The following DHX34 variants were observed in gnomAD, a reference collection of about 807,000 sequenced individuals.
DHX34 encodes probable ATP-dependent RNA helicase DHX34.
DHX34 carries 96 observed loss-of-function variants against 111.1 expected under a neutral mutation model. The observed-to-expected ratio is 0.86, with a 90% CI of 0.73 to 1.02. The LOEUF (loss-of-function observed/expected upper bound fraction) is 1.02, where lower values mean the gene tolerates loss of function less well. Among genes scored for constraint, DHX34 ranks in the 50% least tolerant of loss-of-function variants. The probability of loss-of-function intolerance (pLI) is 0.00; values close to 1 mark genes in which losing one functional copy is unlikely to be tolerated. For missense variants in DHX34, 1,560 were observed against 1,579.9 expected, an observed-to-expected ratio of 0.99 and a Z score of 0.21; for synonymous variants, 688 against 670.4, an observed-to-expected ratio of 1.03 and a Z score of -0.41.
At chr19:47,354,161 C>T (rs1230634692) in intron 2 of DHX34, among the ~76,000 whole-genome samples, 1 of 152,166 alleles carries the variant, frequency 6.6e-6, no homozygotes, top group Non-Finnish European at 1.5e-5. Context: ...CGGGGTTTCA[C>T]CATGTTGGTC....
intron 9 of DHX34, among the ~76,000 whole-genome samples, chr19:47,374,880 G>A (rs1312463233): frequency 2.0e-5 from 3 of 152,182 alleles, no homozygotes; most frequent in Non-Finnish European, 4.4e-5. Context: ...GTCCTCCATC[G>A]GTCAGGGCTC....
Position 47,375,916 on chromosome 19 carries a change from C to A in DHX34, c.2308-8C>A. 6.3e-7 allele frequency: 1 copy of A among 1,597,680 alleles called. No homozygotes were observed. The highest frequency in any genetic ancestry group is 8.5e-7 in the Non-Finnish European group (1 of 1,175,644). ...CCCTAAGACTCTGCCTCCCCGTGCT[C>A]CCCCCAGGATGTGAAGTTCAAGCTT... On this transcript the variant is annotated splice_region_variant and splice_polypyrimidine_tract_variant and intron_variant, in intron 10 of 16. Coordinates refer to ENST00000328771, the MANE Select transcript of DHX34 (RefSeq NM_014681.6).
At chr19:47,358,456 G>GTT (rs34363653) in intron 4 of DHX34, among the ~76,000 whole-genome samples, 3,001 of 143,334 alleles carry the variant, frequency 0.021, 46 homozygotes, top group Middle Eastern at 0.041. Flanking sequence ...TTCCAAAACA[G>GTT]TTTTTTTTTT....
At chr19:47,380,531 G>A (rs1970319233) in intron 14 of DHX34, among the ~76,000 whole-genome samples, 1 of 151,854 alleles carries the variant, frequency 6.6e-6, no homozygotes, top group African/African-American at 2.4e-5. Context: ...GGAGGGGGGA[G>A]GTGGCCAGAC....
chr19:47,375,464 A>C lies in DHX34; in HGVS notation c.2065-2A>C. 1 of 1,582,336 alleles carries C rather than the reference A, an allele frequency of 6.3e-7. No homozygotes were observed. The highest frequency in any genetic ancestry group is 8.5e-7 in the Non-Finnish European group (1 of 1,171,636). On this transcript the variant is annotated splice_acceptor_variant, in intron 9 of 16. Coordinates refer to ENST00000328771, the MANE Select transcript of DHX34 (RefSeq NM_014681.6). LOFTEE classifies it high-confidence loss of function. Reference sequence around the variant, plus strand: ...CCCTCACCCCTACCCACCTGCCCCTAGGAGCTGTTGGAGGACCACGGGCTG... The same window carrying C: ...CCCTCACCCCTACCCACCTGCCCCTCGGAGCTGTTGGAGGACCACGGGCTG...
At position 47,353,177 on chromosome 19, in the gene DHX34, C is replaced by T. The variant is rs749958339; in HGVS notation, c.147C>T (p.Tyr49=). The change falls in exon 2 of 17, where the codon TAC becomes TAT. Residue 49 remains tyrosine (Y), a synonymous_variant. Transcript: ENST00000328771. The surrounding 1 kb of genome is among the most constrained non-coding windows in gnomAD (Gnocchi z 4.6). ...ATGCCTTCTTCCGTGAAGAGGATTA[C>T]ATCCGTCAGGGTTCTGAGGAATGTC... The part of the protein sequence containing the change: ...LEDAFFREED[Y]IRQGSEECQK... 6 of 1,614,098 alleles carry T rather than the reference C, an allele frequency of 3.7e-6. No homozygotes were observed. Among genetic ancestry groups the T allele is most frequent in the Admixed American group, 1.7e-5 (1 of 59,996 alleles).
In DHX34 at chr19:47,353,181, C is replaced by T. The variant is rs371888274; in HGVS notation, c.151C>T (p.Arg51Cys). ...DAFFREEDYIRQGSEECQKFW... is the reference protein window; with the variant it reads ...DAFFREEDYICQGSEECQKFW... ...CTTCTTCCGTGAAGAGGATTACATCCGTCAGGGTTCTGAGGAATGTCAGAA... is the reference window on the plus strand; with the variant it reads ...CTTCTTCCGTGAAGAGGATTACATCTGTCAGGGTTCTGAGGAATGTCAGAA... Residue 51 changes from arginine to cysteine, a missense_variant, in exon 2 of 17, where the codon CGT (arginine) becomes TGT (cysteine). Physicochemically the swap from Arg to Cys is radical, Grantham distance 180 (BLOSUM62 -3). Coordinates refer to ENST00000328771, the MANE Select transcript of DHX34 (RefSeq NM_014681.6). This position sits in a 1 kb window ranked among gnomAD's most constrained non-coding sequence, Gnocchi z 4.6. 53 of 1,614,058 alleles carry T rather than the reference C, an allele frequency of 3.3e-5. No individual in the cohort carries two copies. The African/African-American group carries it at 3.7e-4, about 11-fold the overall frequency.
In DHX34 at chr19:47,381,171, G is replaced by C; in HGVS notation, c.3160-15G>C. On this transcript the variant is annotated splice_polypyrimidine_tract_variant and intron_variant, in intron 15 of 16. Transcript: ENST00000328771. ...ACTTGGCGGGGGCCCAGCCCTGACAGCTGGCCTGCCACAGAATGACACAGA... is the reference window on the plus strand; with the variant it reads ...ACTTGGCGGGGGCCCAGCCCTGACACCTGGCCTGCCACAGAATGACACAGA... The C allele has an allele frequency of 6.2e-7, 1 of 1,612,326 alleles. No individual in the cohort carries two copies. Among genetic ancestry groups the C allele is most frequent in the Non-Finnish European group, 8.5e-7 (1 of 1,178,746 alleles).
intron 13 of DHX34, among the ~76,000 whole-genome samples, chr19:47,377,431 C>T (rs1429235055): frequency 6.6e-6 from 1 of 152,194 alleles, no homozygotes; most frequent in Non-Finnish European, 1.5e-5. Context: ...GTGCCAGGTG[C>T]CAAGGGCGCA....
At chr19:47,378,361 A>G (rs912649703) in intron 13 of DHX34, among the ~76,000 whole-genome samples, 1 of 152,118 alleles carries the variant, frequency 6.6e-6, no homozygotes, top group Admixed American at 6.5e-5. Context: ...CCCCACCCTC[A>G]TGGGGCTCAG....
chr19:47,375,681 AGGGGCCAGTGATGGC>A lies in DHX34; in HGVS notation c.2282_2296del (p.Gly761_Gly765del), dbSNP rs1444998976. On this transcript the variant is annotated inframe_deletion, in exon 10 of 17. Transcript: ENST00000328771. ...AGGACAGGGCTGGCCCAGCCCCCCC[AGGGGCCAGTGATGGC>A]GTGGACATCCAGGTGGGCGCCATGG... is the stretch of plus-strand genomic sequence containing the variant. The A allele has an allele frequency of 6.4e-7, 1 of 1,557,350 alleles. No individual in the cohort carries two copies. Among genetic ancestry groups the A allele is most frequent in the African/African-American group, 1.4e-5 (1 of 73,486 alleles).
chr19:47,355,012 C>A (rs766816744), intron 2 of DHX34, 27 bp from the exon 3 acceptor site: 11 of 1,610,310 alleles, frequency 6.8e-6, no homozygotes, highest in Admixed American at 3.3e-5. Context: ...AGGGTCCTCT[C>A]CTGATCCTTT....
intron 16 of DHX34, chr19:47,381,690 G>T (rs1310341331): frequency 8.7e-6 from 6 of 687,070 alleles, no homozygotes; most frequent in Non-Finnish European, 1.4e-5. Context: ...GGTTCAGTGG[G>T]GGAGATAGCA....
chr19:47,366,071 G>A (rs1254121796), intron 6 of DHX34, among the ~76,000 whole-genome samples: 2 of 152,112 alleles, frequency 1.3e-5, no homozygotes, highest in African/African-American at 4.8e-5. Flanking sequence ...TAATAAGATA[G>A]CCTTCCATCC....
chr19:47,369,872 G>A (rs1033956828), intron 7 of DHX34, among the ~76,000 whole-genome samples: 4 of 152,122 alleles, frequency 2.6e-5, no homozygotes, highest in African/African-American at 9.7e-5. Context: ...ATCTGGAAAG[G>A]GCGGGTCCAC....
chr19:47,367,050 G>A lies in DHX34; in HGVS notation c.1663G>A (p.Glu555Lys). ...CGAGCCCCCACCACCAGCCAGCCTG[G>A]AAACCGCCATCCTCTACCTCCGGGA... ...FIEPPPPASL[E>K]TAILYLRDQG... Residue 555 changes from glutamate (E) to lysine (K), a missense_variant, in exon 7 of 17, where the codon GAA (glutamate) becomes AAA (lysine). By Grantham distance (56) the Glu-to-Lys change is moderately conservative (BLOSUM62 1). Coordinates refer to ENST00000328771, the MANE Select transcript of DHX34 (RefSeq NM_014681.6). The A allele has an allele frequency of 1.2e-6, 2 of 1,608,318 alleles. No homozygotes were observed. The highest frequency in any genetic ancestry group is 1.7e-6 in the Non-Finnish European group (2 of 1,177,052).
chr19:47,381,025 A>G, intron 15 of DHX34, 33 bp downstream of exon 15: 1 of 1,542,460 alleles, frequency 6.5e-7, no homozygotes, highest in South Asian at 1.2e-5. Context: ...TGAAGGTGGG[A>G]TTTCAGGAAG....
At chr19:47,351,807 C>G (rs1174736250) in intron 1 of DHX34, among the ~76,000 whole-genome samples, 1 of 152,112 alleles carries the variant, frequency 6.6e-6, no homozygotes, top group African/African-American at 2.4e-5. Context: ...CTGGCCAGGT[C>G]TTTGTTACTT....
intron 7 of DHX34, among the ~76,000 whole-genome samples, chr19:47,372,119 G>C (rs898297250): frequency 1.3e-5 from 2 of 151,142 alleles, no homozygotes; most frequent in African/African-American, 2.4e-5. Context: ...CCTCCCCTCT[G>C]TCCTTCCTCC....
Sources: allele counts gnomAD v4.1 joint callset (sites outside exome capture counted in the v4.1 genomes callset), GRCh38; gene constraint gnomAD v4.1.1; non-coding constraint Gnocchi (gnomAD v3.1); transcripts MANE v1.5; gene names NCBI Gene and HGNC (gene_info 2026-07-23, HGNC 2026-07-21).